NKAIN2: variants seen among roughly 807,000 people sequenced by gnomAD.
NKAIN2 encodes the protein sodium/potassium-transporting ATPase subunit beta-1-interacting protein 2.
Under a neutral mutation model 32.6 loss-of-function variants are expected in NKAIN2, and 14 were observed. The ratio of observed to expected loss-of-function variants is 0.43; its 90% CI spans 0.28 to 0.67. The LOEUF is 0.67. NKAIN2 is among the 30% of genes least tolerant of loss of function. The probability of loss-of-function intolerance (pLI) is 0.17; values close to 1 mark genes in which losing one functional copy is unlikely to be tolerated. For synonymous variants in NKAIN2, 80 were observed against 87.2 expected (o/e 0.92, Z 0.46); for missense variants, 198 against 258.3 (o/e 0.77, Z 1.60).
chr6:124,415,025 C>T (rs940129152), intron 3 of NKAIN2, among the ~76,000 whole-genome samples: 3 of 151,854 alleles, frequency 2.0e-5, no homozygotes, highest in Admixed American at 2.0e-4. Context: ...CAATAGTCAA[C>T]ACAGAAGACT....
chr6:124,805,382 G>T (rs369068016), intron 5 of NKAIN2, among the ~76,000 whole-genome samples: 1 of 152,120 alleles, frequency 6.6e-6, no homozygotes, highest in Non-Finnish European at 1.5e-5. Flanking sequence ...AGGCAAACAG[G>T]GTCTGGAGTG....
intron 3 of NKAIN2, among the ~76,000 whole-genome samples, chr6:124,655,802 T>G (rs964448978): frequency 7.2e-5 from 11 of 152,204 alleles, no homozygotes; most frequent in Non-Finnish European, 1.5e-4. Flanking sequence ...CTTCAACCAA[T>G]GAGAAGCAAT....
chr6:124,813,470 T>C (rs1280843551), intron 5 of NKAIN2, among the ~76,000 whole-genome samples: 1 of 152,142 alleles, frequency 6.6e-6, no homozygotes. Context: ...AAATTAATAA[T>C]TTAGAAAGTA....
intron 3 of NKAIN2, among the ~76,000 whole-genome samples, chr6:124,426,206 C>T (rs1774975092): frequency 6.6e-6 from 1 of 152,118 alleles, no homozygotes; most frequent in Admixed American, 6.5e-5. Context: ...TAGTCTATGT[C>T]CCTACTTGTG....
rs1778004301 is a variant in NKAIN2 at position 123,964,895 on chromosome 6, A to C, written c.54+160641A>C. ...TTGCTCATGTTCTCACCTTGTACCT[A>C]TCACCAGTTCCCTTTTTGCCCTCTT... is the stretch of plus-strand genomic sequence containing the variant. On this transcript the variant is annotated intron_variant, in intron 1 of 6. Coordinates refer to ENST00000368417, the MANE Select transcript of NKAIN2 (RefSeq NM_001040214.3). The surrounding 1 kb of genome is among the most constrained non-coding windows in gnomAD (Gnocchi z 4.0). 6.6e-6 allele frequency among the ~76,000 whole-genome samples: 1 copy of C among 152,062 alleles called. No individual in the cohort carries two copies. The highest frequency in any genetic ancestry group is 1.5e-5 in the Non-Finnish European group (1 of 68,000).
intron 2 of NKAIN2, among the ~76,000 whole-genome samples, chr6:124,339,945 C>T (rs1240480106): frequency 6.6e-6 from 1 of 152,146 alleles, no homozygotes; most frequent in Non-Finnish European, 1.5e-5. Flanking sequence ...TATTATAATA[C>T]ATCTTGACTA....
At chr6:124,104,532 T>C (rs1272032260) in intron 1 of NKAIN2, among the ~76,000 whole-genome samples, 1 of 152,220 alleles carries the variant, frequency 6.6e-6, no homozygotes, top group Non-Finnish European at 1.5e-5. Flanking sequence ...CACTTATATG[T>C]ATTCTCCAAA....
chr6:123,870,890 A>G (rs1328166618), intron 1 of NKAIN2, among the ~76,000 whole-genome samples: 1 of 152,036 alleles, frequency 6.6e-6, no homozygotes, highest in Non-Finnish European at 1.5e-5. Context: ...ATATATATAG[A>G]GTGTATATAT....
chr6:124,144,662 T>C (rs961787864), intron 1 of NKAIN2, among the ~76,000 whole-genome samples: 4 of 152,062 alleles, frequency 2.6e-5, no homozygotes, highest in Admixed American at 6.6e-5. Context: ...AAAAGTGAAA[T>C]GTAAAACTGT....
chr6:123,926,938 A>T (rs2114508695), intron 1 of NKAIN2, among the ~76,000 whole-genome samples: 1 of 152,292 alleles, frequency 6.6e-6, no homozygotes, highest in South Asian at 2.1e-4. Flanking sequence ...AGTCTACCAA[A>T]ATCTACTTTA....
At chr6:124,532,923 T>G (rs1395079534) in intron 3 of NKAIN2, among the ~76,000 whole-genome samples, 3 of 152,164 alleles carry the variant, frequency 2.0e-5, no homozygotes, top group Admixed American at 1.3e-4. Context: ...ACTATATGTG[T>G]ATAAGAGTAG....
intron 3 of NKAIN2, among the ~76,000 whole-genome samples, chr6:124,416,849 T>A (rs370701178): frequency 7.9e-5 from 12 of 152,062 alleles, no homozygotes; most frequent in Middle Eastern, 3.4e-3. Flanking sequence ...TCCACCCTCA[T>A]CCATCAGTTA....
intron 3 of NKAIN2, among the ~76,000 whole-genome samples, chr6:124,494,810 C>A (rs1248108015): frequency 1.3e-5 from 2 of 151,970 alleles, no homozygotes; most frequent in African/African-American, 4.8e-5. Flanking sequence ...TGAAAAATTC[C>A]TAATTTTGCA....
intron 2 of NKAIN2, among the ~76,000 whole-genome samples, chr6:124,289,275 G>A (rs777852448): frequency 3.9e-5 from 6 of 151,942 alleles, no homozygotes; most frequent in South Asian, 2.1e-4. Context: ...TTTTTTTAAC[G>A]TGATACATAT....
chr6:123,971,108 T>A (rs1778320697), intron 1 of NKAIN2, among the ~76,000 whole-genome samples: 2 of 151,840 alleles, frequency 1.3e-5, no homozygotes, highest in Admixed American at 1.3e-4. Flanking sequence ...CTAATGAAAA[T>A]GATAGTCTGA....
chr6:124,499,561 T>C (rs1778202225), intron 3 of NKAIN2, among the ~76,000 whole-genome samples: 1 of 152,110 alleles, frequency 6.6e-6, no homozygotes, highest in Non-Finnish European at 1.5e-5. Context: ...GAGCCAATAG[T>C]TGTATGGTAG....
chr6:124,779,617 G>A (rs1043536388), intron 4 of NKAIN2, among the ~76,000 whole-genome samples: 3 of 152,230 alleles, frequency 2.0e-5, no homozygotes, highest in African/African-American at 7.2e-5. Context: ...AGAGACCTGA[G>A]AAGTGCACCT....
intron 1 of NKAIN2, among the ~76,000 whole-genome samples, chr6:123,991,854 ACTCTGT>A (rs1431532310): frequency 1.3e-5 from 2 of 151,836 alleles, no homozygotes; most frequent in East Asian, 3.9e-4. Flanking sequence ...ACATAGCGAG[ACTCTGT>A]CTCAAATGTG....
chr6:124,150,323 G>A (rs1787644782), intron 1 of NKAIN2, among the ~76,000 whole-genome samples: 1 of 152,108 alleles, frequency 6.6e-6, no homozygotes. Flanking sequence ...CAAAACTAAT[G>A]TATTGAAAAG....
Sources: allele counts gnomAD v4.1 joint callset (sites outside exome capture counted in the v4.1 genomes callset), GRCh38; gene constraint gnomAD v4.1.1; non-coding constraint Gnocchi (gnomAD v3.1); transcripts MANE v1.5; gene names NCBI Gene and HGNC (gene_info 2026-07-23, HGNC 2026-07-21).